The following PRKCH variants were observed in gnomAD, a reference collection of about 807,000 sequenced individuals.
PRKCH encodes the protein protein kinase C eta type.
Under a neutral mutation model 82.5 loss-of-function variants are expected in PRKCH, and 28 were observed. The observed-to-expected ratio is 0.34, with a 90% CI of 0.25 to 0.47. The LOEUF (loss-of-function observed/expected upper bound fraction) is 0.47, where lower values mean the gene tolerates loss of function less well. Ranked by LOEUF, PRKCH falls within the 20% of genes least tolerant of loss-of-function variation. PRKCH has a pLI of 1.00. For missense variants in PRKCH, 705 were observed against 881.8 expected (o/e 0.80, Z 2.54); for synonymous variants, 322 against 327.4 (o/e 0.98, Z 0.18).
Position 61,280,606 on chromosome 14 carries a change from T to C in PRKCH, c.-19+92938T>C. The C allele has an allele frequency of 2.5e-6, 4 of 1,586,026 alleles. No individual in the cohort carries two copies. Among genetic ancestry groups the C allele is most frequent in the Non-Finnish European group, 3.4e-6 (4 of 1,166,406 alleles). On this transcript the variant is annotated intron_variant, in intron 1 of 3. Coordinates refer to the PRKCH transcript ENST00000555185. The surrounding 1 kb of genome is among the most constrained non-coding windows in gnomAD (Gnocchi z 5.0). ...CACCTCGACGTAGGGCCCGCCGGGC[T>C]GGCGCTGGTGCCAAAGCGAGAAGGA... is the stretch of plus-strand genomic sequence containing the variant.
intron 1 of PRKCH, among the ~76,000 whole-genome samples, chr14:61,379,372 T>C (rs2046467848): frequency 6.6e-6 from 1 of 152,220 alleles, no homozygotes; most frequent in South Asian, 2.1e-4. Flanking sequence ...GCTTCATCTA[T>C]TTTCTAATGC....
At chr14:61,225,921 G>A (rs994457745) in intron 1 of PRKCH, among the ~76,000 whole-genome samples, 2 of 152,046 alleles carry the variant, frequency 1.3e-5, no homozygotes, top group Non-Finnish European at 2.9e-5. Context: ...TTAATGTTTT[G>A]TAAAGCCGGG....
upstream of PRKCH, among the ~76,000 whole-genome samples, chr14:61,317,917 C>A (rs2045576899): frequency 1.3e-5 from 2 of 152,122 alleles, no homozygotes; most frequent in African/African-American, 4.8e-5. Context: ...AGCTAAGAGA[C>A]TGCCCCTCCG....
At chr14:61,531,637 A>G (rs577108658) in intron 12 of PRKCH, among the ~76,000 whole-genome samples, 1 of 152,332 alleles carries the variant, frequency 6.6e-6, no homozygotes, top group South Asian at 2.1e-4. Flanking sequence ...ATAATCACAG[A>G]AATCCTTCTG....
intron 2 of PRKCH, among the ~76,000 whole-genome samples, chr14:61,433,524 C>CTT (rs984108528): frequency 5.3e-5 from 8 of 152,206 alleles, no homozygotes; most frequent in African/African-American, 1.7e-4. Flanking sequence ...TCAACCTGGG[C>CTT]TTGAAGGCTG....
At chr14:61,480,073 A>G (rs113172607) in intron 9 of PRKCH, among the ~76,000 whole-genome samples, 2 of 152,366 alleles carry the variant, frequency 1.3e-5, no homozygotes, top group South Asian at 2.1e-4. Flanking sequence ...AGGTCAGGGC[A>G]GACTTCACCT....
chr14:61,272,340 CTTTCTTTTTTTTTTTTTTT>C (rs1258046972), intron 1 of PRKCH, among the ~76,000 whole-genome samples: 6 of 97,838 alleles, frequency 6.1e-5, no homozygotes, highest in East Asian at 3.5e-4. Flanking sequence ...TTTCTTTTTT[CTTTCTTTTTTTTTTTTTTT>C]TTTTTTTTTT....
chr14:61,369,714 G>A (rs765613223), intron 1 of PRKCH, among the ~76,000 whole-genome samples: 1 of 151,940 alleles, frequency 6.6e-6, no homozygotes, highest in Non-Finnish European at 1.5e-5. Flanking sequence ...AGTATTACAT[G>A]TTTTGACTGT....
At chr14:61,397,361 T>G (rs2046801614) in intron 2 of PRKCH, among the ~76,000 whole-genome samples, 1 of 152,108 alleles carries the variant, frequency 6.6e-6, no homozygotes. Context: ...AAATCTAAGT[T>G]GCAATGTCTG....
chr14:61,538,957 A>C (rs913556827), intron 12 of PRKCH, among the ~76,000 whole-genome samples: 1 of 152,194 alleles, frequency 6.6e-6, no homozygotes, highest in African/African-American at 2.4e-5. Context: ...CAGTAGCTAC[A>C]TTTGGGGAAT....
At chr14:61,259,234 C>CCGAT (rs904230637) in intron 1 of PRKCH, among the ~76,000 whole-genome samples, 3 of 152,142 alleles carry the variant, frequency 2.0e-5, no homozygotes, top group Non-Finnish European at 4.4e-5. Context: ...ATGTGATGGG[C>CCGAT]CGATCTAAAG....
In PRKCH at chr14:61,442,358, G is replaced by A. The variant is rs192643897; in HGVS notation, c.428-753G>A. 8.5e-5 allele frequency among the ~76,000 whole-genome samples: 13 copies of A among 152,260 alleles called. No homozygotes were observed. In the East Asian group the frequency reaches 2.5e-3, roughly 29 times the overall value. On this transcript the variant is annotated intron_variant, in intron 2 of 13. Coordinates refer to ENST00000332981, the MANE Select transcript of PRKCH (RefSeq NM_006255.5). Reference sequence around the variant, plus strand: ...TAACAGAGGTGATCCTGTACCAATGGGTTTTGGACAGAGCTCTCATAGTCT... The same window carrying A: ...TAACAGAGGTGATCCTGTACCAATGAGTTTTGGACAGAGCTCTCATAGTCT...
At chr14:61,243,084 GAAA>G in intron 1 of PRKCH, among the ~76,000 whole-genome samples, 1 of 151,708 alleles carries the variant, frequency 6.6e-6, no homozygotes, top group East Asian at 1.9e-4. Context: ...GAAGGCTTCT[GAAA>G]AAAAAAAATT....
At chr14:61,449,084 GCAGC>G (rs1594718189) in intron 4 of PRKCH, 76 bp from the exon 5 acceptor site, 1 of 1,337,030 alleles carries the variant, frequency 7.5e-7, no homozygotes. Flanking sequence ...TTGGCACGGT[GCAGC>G]CCTGGTTGAC....
chr14:61,287,857 C>T (rs1408544705), intron 1 of PRKCH, among the ~76,000 whole-genome samples: 1 of 152,172 alleles, frequency 6.6e-6, no homozygotes, highest in Non-Finnish European at 1.5e-5. Context: ...GAAGTCACCT[C>T]CTCTGCCATC....
upstream of PRKCH, among the ~76,000 whole-genome samples, chr14:61,320,224 G>C (rs1358071609): frequency 1.3e-5 from 2 of 151,954 alleles, no homozygotes; most frequent in Non-Finnish European, 2.9e-5. Flanking sequence ...AGGGAAGGAA[G>C]AAAGAAAGGA....
At chr14:61,236,448 G>C (rs2044788551) in intron 1 of PRKCH, among the ~76,000 whole-genome samples, 3 of 151,846 alleles carry the variant, frequency 2.0e-5, no homozygotes, top group Non-Finnish European at 2.9e-5. Context: ...AGTAGCTCAT[G>C]CCTGTAATCC....
At chr14:61,443,286 C>T (rs1212480610) in intron 3 of PRKCH, 25 bp downstream of exon 3, 1 of 1,600,818 alleles carries the variant, frequency 6.2e-7, no homozygotes, top group South Asian at 1.1e-5. Context: ...TACTTCTGTC[C>T]TCCTCAGAGC....
chr14:61,423,175 C>A (rs1427703869), intron 2 of PRKCH, among the ~76,000 whole-genome samples: 1 of 152,168 alleles, frequency 6.6e-6, no homozygotes, highest in East Asian at 1.9e-4. Context: ...GGCAGTCCCA[C>A]TGAACCACAG....
Sources: gnomAD v4.1 joint callset for allele counts (sites outside exome capture counted in the v4.1 genomes callset) on GRCh38, gnomAD v4.1.1 for gene constraint, Gnocchi (gnomAD v3.1) non-coding constraint, MANE v1.5 for transcripts, NCBI Gene and HGNC (gene_info 2026-07-23, HGNC 2026-07-21) for gene names.